Variants in SEM1 observed in about 807,000 individuals in gnomAD.
SEM1 encodes the protein SEM1 26S proteasome subunit, also known as 26S proteasome complex subunit SEM1.
SEM1 carries 3 observed loss-of-function variants against 12.7 expected under a neutral mutation model. The ratio of observed to expected loss-of-function variants is 0.24; its 90% CI spans 0.11 to 0.61. SEM1 has a LOEUF of 0.61. Among genes scored for constraint, SEM1 ranks in the 20% least tolerant of loss-of-function variants. SEM1 has a pLI of 0.88. For synonymous variants in SEM1, 30 were observed against 27.8 expected, an observed-to-expected ratio of 1.08 and a Z score of -0.25; for missense variants, 59 against 81.3, an observed-to-expected ratio of 0.73 and a Z score of 1.06.
chr7:96,550,131 T>C (rs1805222063), intron 2 of SEM1, among the ~76,000 whole-genome samples: 1 of 92,736 alleles, frequency 1.1e-5, no homozygotes, highest in African/African-American at 3.1e-5. Flanking sequence ...GTATAGAAAG[T>C]TTGAGAAATA....
chr7:96,676,957 T>C (rs1205821342), intron 2 of SEM1, among the ~76,000 whole-genome samples: 6 of 152,230 alleles, frequency 3.9e-5, no homozygotes, highest in Non-Finnish European at 8.8e-5. Context: ...CTTTTGTTCC[T>C]ACTTCCATTC....
intron 1 of SEM1, among the ~76,000 whole-genome samples, chr7:96,495,177 T>C (rs1335986305): frequency 6.6e-6 from 1 of 152,134 alleles, no homozygotes; most frequent in African/African-American, 2.4e-5. Context: ...ACAACCAGAA[T>C]TTTTTGGTTA....
chr7:96,632,835 G>C (rs557191490), intron 2 of SEM1, among the ~76,000 whole-genome samples: 1 of 146,906 alleles, frequency 6.8e-6, no homozygotes, highest in African/African-American at 2.5e-5. Context: ...GTTTGCAGGG[G>C]TTGGGGGACA....
intron 2 of SEM1, among the ~76,000 whole-genome samples, chr7:96,580,981 T>A (rs534525415): frequency 6.6e-6 from 1 of 152,260 alleles, no homozygotes; most frequent in South Asian, 2.1e-4. Flanking sequence ...TAATTAGATC[T>A]CATTTGTCAA....
chr7:96,674,576 AGGAT>A (rs559317636), intron 2 of SEM1, among the ~76,000 whole-genome samples: 97 of 152,212 alleles, frequency 6.4e-4, no homozygotes, highest in Middle Eastern at 6.8e-3. Context: ...CTGATATGGG[AGGAT>A]GGTTTGGGCT....
upstream of SEM1, among the ~76,000 whole-genome samples, chr7:96,497,247 A>C (rs1028672608): frequency 4.6e-5 from 7 of 152,128 alleles, no homozygotes; most frequent in Non-Finnish European, 8.8e-5. Flanking sequence ...CAGGAAAAAA[A>C]CAAAAAAAAT....
At chr7:96,626,884 G>GAA (rs1480873361) in intron 2 of SEM1, among the ~76,000 whole-genome samples, 1 of 152,050 alleles carries the variant, frequency 6.6e-6, no homozygotes, top group African/African-American at 2.4e-5. Flanking sequence ...TTAAATGTTT[G>GAA]ATAGAATTCA....
At chr7:96,577,214 A>T (rs1208495467) in intron 2 of SEM1, among the ~76,000 whole-genome samples, 1 of 152,138 alleles carries the variant, frequency 6.6e-6, no homozygotes, top group Non-Finnish European at 1.5e-5. Context: ...CACATAGAGT[A>T]AACAAAGTAC....
intron 2 of SEM1, among the ~76,000 whole-genome samples, chr7:96,570,581 A>G (rs1255836366): frequency 6.6e-6 from 1 of 152,052 alleles, no homozygotes; most frequent in Non-Finnish European, 1.5e-5. Context: ...CATTTTCTTT[A>G]TCCAGTCTAT....
At chr7:96,697,820 G>C (rs1322084051) in intron 1 of SEM1, among the ~76,000 whole-genome samples, 1 of 152,134 alleles carries the variant, frequency 6.6e-6, no homozygotes, top group Non-Finnish European at 1.5e-5. Context: ...CAGTGATTCT[G>C]AGATAAATTT....
In SEM1 at chr7:96,572,369, A is replaced by G. The variant is rs116831850; in HGVS notation, c.171-65671T>C. On this transcript the variant is annotated intron_variant and NMD_transcript_variant, in intron 2 of 3. Coordinates refer to the SEM1 transcript ENST00000466986. ...TGCTTCTCTAGTTCCTTTAATCGTG[A>G]TGTTAGGGTGACAATTTTTAGATCT... Among the ~76,000 whole-genome samples the G allele has an allele frequency of 2.0e-3, 308 of 151,834 alleles. 1 individual carries two copies. Among genetic ancestry groups the G allele is most frequent in the African/African-American group, 7.1e-3 (295 of 41,498 alleles).
At chr7:96,547,752 G>C (rs986956162) in intron 2 of SEM1, among the ~76,000 whole-genome samples, 1 of 152,110 alleles carries the variant, frequency 6.6e-6, no homozygotes, top group South Asian at 2.1e-4. Context: ...GATAGGAGTT[G>C]TAAAGTGGTA....
chr7:96,581,592 C>G (rs1254846906), intron 2 of SEM1, among the ~76,000 whole-genome samples: 1 of 152,150 alleles, frequency 6.6e-6, no homozygotes, highest in Non-Finnish European at 1.5e-5. Context: ...ATTGATTCTT[C>G]CTACCCATGA....
At chr7:96,508,596 C>T (rs1294210518) in intron 2 of SEM1, among the ~76,000 whole-genome samples, 2 of 152,156 alleles carry the variant, frequency 1.3e-5, no homozygotes, top group Admixed American at 6.6e-5. Flanking sequence ...AACATAAATA[C>T]AGCCAATTCA....
intron 2 of SEM1, among the ~76,000 whole-genome samples, chr7:96,555,174 G>A (rs1805441010): frequency 3.0e-5 from 3 of 100,282 alleles, no homozygotes; most frequent in African/African-American, 7.5e-5. Context: ...ATTTTTTGAA[G>A]GGTTTTTGTG....
chr7:96,634,431 C>A (rs78212657), intron 2 of SEM1, among the ~76,000 whole-genome samples: 125 of 151,846 alleles, frequency 8.2e-4, no homozygotes, highest in African/African-American at 2.8e-3. Context: ...CACATTCATT[C>A]ATTTATTTAA....
At chr7:96,592,763 T>C (rs1357270312) in intron 2 of SEM1, among the ~76,000 whole-genome samples, 1 of 151,930 alleles carries the variant, frequency 6.6e-6, no homozygotes, top group African/African-American at 2.4e-5. Context: ...AGAAAAGGAT[T>C]GTTTTTCCAC....
At chr7:96,652,949 T>C (rs966552982) in intron 2 of SEM1, among the ~76,000 whole-genome samples, 1 of 152,214 alleles carries the variant, frequency 6.6e-6, no homozygotes, top group Non-Finnish European at 1.5e-5. Flanking sequence ...ACCATGGTTT[T>C]GGAGATTCCT....
intron 2 of SEM1, among the ~76,000 whole-genome samples, chr7:96,604,112 A>G (rs1807272738): frequency 6.6e-6 from 1 of 152,212 alleles, no homozygotes; most frequent in Non-Finnish European, 1.5e-5. Context: ...TGCAATGGAG[A>G]CAGCCCAGCA....
Sources: gnomAD v4.1 joint callset for allele counts (sites outside exome capture counted in the v4.1 genomes callset) on GRCh38, gnomAD v4.1.1 for gene constraint, MANE v1.5 for transcripts, NCBI Gene and HGNC (gene_info 2026-07-23, HGNC 2026-07-21) for gene names.